Variants in SOX6 observed in about 807,000 individuals in gnomAD.
SOX6 encodes the protein SRY-box transcription factor 6.
Under a neutral mutation model 97.8 loss-of-function variants are expected in SOX6, and 11 were observed. That is an observed-to-expected ratio of 0.11 (90% CI 0.07 to 0.19). The LOEUF (loss-of-function observed/expected upper bound fraction) is 0.19. SOX6 is among the 10% of genes least tolerant of loss of function. The pLI is 1.00. For missense variants in SOX6, 810 were observed against 1,039.5 expected (o/e 0.78, Z 3.04); for synonymous variants, 360 against 371.4 (o/e 0.97, Z 0.35).
At chr11:16,713,892 C>A (rs1260099504) in intron 3 of SOX6, among the ~76,000 whole-genome samples, 1 of 152,180 alleles carries the variant, frequency 6.6e-6, no homozygotes, top group Non-Finnish European at 1.5e-5. Context: ...TCCAACTTTT[C>A]TTTGCCAAAA....
At chr11:16,670,613 C>T (rs571238657) in intron 3 of SOX6, among the ~76,000 whole-genome samples, 4 of 152,314 alleles carry the variant, frequency 2.6e-5, no homozygotes, top group South Asian at 4.1e-4. Flanking sequence ...CACACCCACA[C>T]CCCCTCTTGT....
intron 6 of SOX6, among the ~76,000 whole-genome samples, chr11:16,126,881 T>A (rs1849624520): frequency 6.6e-6 from 1 of 152,130 alleles, no homozygotes; most frequent in Admixed American, 6.6e-5. Flanking sequence ...ATTATGTTTA[T>A]GTTTTCTGTT....
chr11:16,211,923 G>A (rs993851882), intron 4 of SOX6, among the ~76,000 whole-genome samples: 4 of 152,120 alleles, frequency 2.6e-5, no homozygotes, highest in African/African-American at 7.2e-5. Flanking sequence ...CAGAGTTGCC[G>A]TTACTGAGAT....
chr11:16,238,231 T>C (rs1853082662), intron 3 of SOX6, among the ~76,000 whole-genome samples: 1 of 152,068 alleles, frequency 6.6e-6, no homozygotes, highest in Non-Finnish European at 1.5e-5. Context: ...TGATGTATTA[T>C]AAATTATCAG....
intron 4 of SOX6, among the ~76,000 whole-genome samples, chr11:16,499,659 C>A (rs768086257): frequency 7.2e-5 from 11 of 152,250 alleles, no homozygotes; most frequent in African/African-American, 2.4e-4. Context: ...ATACAAACTA[C>A]CATCAGAGAA....
At chr11:16,325,555 C>T (rs1003176504) in intron 2 of SOX6, among the ~76,000 whole-genome samples, 1 of 152,032 alleles carries the variant, frequency 6.6e-6, no homozygotes, top group Non-Finnish European at 1.5e-5. Flanking sequence ...AGATTTTGGC[C>T]TTCTTGAAGA....
At chr11:16,514,878 A>C (rs1860944737) in intron 4 of SOX6, among the ~76,000 whole-genome samples, 1 of 151,750 alleles carries the variant, frequency 6.6e-6, no homozygotes. Flanking sequence ...ACATGAACTC[A>C]TCATTTTTTA....
intron 3 of SOX6, among the ~76,000 whole-genome samples, chr11:16,681,199 G>GT (rs1382995876): frequency 1.3e-5 from 2 of 152,052 alleles, no homozygotes; most frequent in Non-Finnish European, 2.9e-5. Context: ...AATTGACCAC[G>GT]TAATTGGAAG....
At chr11:15,997,289 A>C (rs1302508813) in intron 13 of SOX6, among the ~76,000 whole-genome samples, 2 of 152,212 alleles carry the variant, frequency 1.3e-5, no homozygotes, top group African/African-American at 4.8e-5. Context: ...TCACTGGTAA[A>C]TTCTTTCAAA....
intron 4 of SOX6, among the ~76,000 whole-genome samples, chr11:16,195,324 C>T (rs1360450050): frequency 2.6e-5 from 4 of 152,242 alleles, no homozygotes; most frequent in South Asian, 4.1e-4. Flanking sequence ...TTAATCCAAG[C>T]GAGTCTAGAG....
intron 6 of SOX6, among the ~76,000 whole-genome samples, chr11:16,141,291 A>G (rs1474855208): frequency 1.3e-5 from 2 of 152,170 alleles, no homozygotes; most frequent in East Asian, 3.9e-4. Context: ...GATTACAGGT[A>G]TTCAGGTATC....
intron 3 of SOX6, among the ~76,000 whole-genome samples, chr11:16,290,009 A>T (rs1854864436): frequency 6.6e-6 from 1 of 151,994 alleles, no homozygotes; most frequent in Non-Finnish European, 1.5e-5. Flanking sequence ...TAAAGCAAAA[A>T]ATCTGAAATT....
intron 2 of SOX6, among the ~76,000 whole-genome samples, chr11:16,340,117 T>C (rs1035135519): frequency 1.3e-4 from 20 of 152,086 alleles, no homozygotes; most frequent in African/African-American, 4.8e-4. Flanking sequence ...AAATAAGAAT[T>C]TAAATATGTG....
intron 4 of SOX6, among the ~76,000 whole-genome samples, chr11:16,550,114 C>T (rs149865706): frequency 0.11 from 17,227 of 152,154 alleles, 1,020 homozygotes; most frequent in Non-Finnish European, 0.14. Context: ...GGCACATATA[C>T]ACCATGGAAT....
At chr11:16,187,903 T>C (rs1851526488) in intron 4 of SOX6, among the ~76,000 whole-genome samples, 1 of 152,096 alleles carries the variant, frequency 6.6e-6, no homozygotes, top group South Asian at 2.1e-4. Context: ...TATGAAGAAA[T>C]GATCTGTGAT....
At chr11:16,069,506 T>C (rs1162467797) in intron 9 of SOX6, among the ~76,000 whole-genome samples, 1 of 152,240 alleles carries the variant, frequency 6.6e-6, no homozygotes. Context: ...CAAGTACTCG[T>C]AAAGCAATCT....
chr11:16,063,386 G>A (rs1217700150), intron 9 of SOX6, among the ~76,000 whole-genome samples: 2 of 149,864 alleles, frequency 1.3e-5, no homozygotes, highest in Non-Finnish European at 3.0e-5. Flanking sequence ...AGTAATTGAT[G>A]TTATACCATG....
At position 16,540,226 on chromosome 11, in the gene SOX6, A is replaced by T. The variant is rs185244834; in HGVS notation, n.610-63838T>A. On this transcript the variant is annotated intron_variant and non_coding_transcript_variant, in intron 4 of 5. Transcript: ENST00000524520. ...CAGAACCAACAACAAAAACCACATG[A>T]TTATCTCAATAGATGCAGAAAAGGC... Among the ~76,000 whole-genome samples the T allele has an allele frequency of 2.6e-5, 4 of 152,314 alleles. No individual in the cohort carries two copies. In the East Asian group the frequency reaches 7.7e-4, roughly 29 times the overall value.
chr11:16,652,662 A>G (rs1206068353), intron 3 of SOX6, among the ~76,000 whole-genome samples: 1 of 152,208 alleles, frequency 6.6e-6, no homozygotes, highest in Non-Finnish European at 1.5e-5. Context: ...TAAAAATTCT[A>G]GAAGATAACA....
Sources: allele counts gnomAD v4.1 joint callset (sites outside exome capture counted in the v4.1 genomes callset), GRCh38; gene constraint gnomAD v4.1.1; transcripts MANE v1.5; gene names NCBI Gene and HGNC (gene_info 2026-07-23, HGNC 2026-07-21).